AGBL4: variants seen among roughly 807,000 people sequenced by gnomAD.
AGBL4 encodes the protein cytosolic carboxypeptidase 6.
A neutral mutation model predicts 66.4 loss-of-function variants in AGBL4; 58 were observed. The ratio of observed to expected loss-of-function variants is 0.87; its 90% confidence interval spans 0.71 to 1.09. The LOEUF (loss-of-function observed/expected upper bound fraction) is 1.09. AGBL4 is among the 50% of genes least tolerant of loss of function. The probability of loss-of-function intolerance (pLI) is 0.00; values close to 1 mark genes in which losing one functional copy is unlikely to be tolerated. For synonymous variants in AGBL4, 234 were observed against 222.9 expected (o/e 1.05, Z -0.44); for missense variants, 579 against 631.0 (o/e 0.92, Z 0.88).
intron 1 of AGBL4, among the ~76,000 whole-genome samples, chr1:50,010,243 G>A (rs2148435080): frequency 6.6e-6 from 1 of 151,878 alleles, no homozygotes; most frequent in Non-Finnish European, 1.5e-5. Flanking sequence ...GGAGGCAGAG[G>A]TTGCAGTGAG....
intron 1 of AGBL4, among the ~76,000 whole-genome samples, chr1:49,948,053 T>C (rs1488997963): frequency 3.3e-4 from 2 of 6,124 alleles, no homozygotes; most frequent in South Asian, 0.033. Flanking sequence ...AATATATAAA[T>C]ATATATATGT....
chr1:49,394,533 T>G (rs967616884), intron 3 of AGBL4, among the ~76,000 whole-genome samples: 1 of 152,050 alleles, frequency 6.6e-6, no homozygotes, highest in Non-Finnish European at 1.5e-5. Flanking sequence ...AGACACATCA[T>G]GAATGGTTAA....
At chr1:49,350,627 A>C (rs148252561) in intron 3 of AGBL4, among the ~76,000 whole-genome samples, 16 of 152,304 alleles carry the variant, frequency 1.1e-4, no homozygotes, top group African/African-American at 3.6e-4. Flanking sequence ...AACTTTTATT[A>C]GTTTTGGGGG....
intron 3 of AGBL4, among the ~76,000 whole-genome samples, chr1:49,246,304 G>T (rs12124042): frequency 0.56 from 84,621 of 151,680 alleles, 24,272 homozygotes; most frequent in Middle Eastern, 0.63. Context: ...GGCTGACCTA[G>T]AATTTACATA....
chr1:48,864,349 A>G (rs1181861803), intron 6 of AGBL4, among the ~76,000 whole-genome samples: 2 of 152,210 alleles, frequency 1.3e-5, no homozygotes, highest in East Asian at 3.8e-4. Flanking sequence ...AAGAGTAAAT[A>G]TGTTCAATTA....
intron 1 of AGBL4, among the ~76,000 whole-genome samples, chr1:49,890,321 A>T (rs1217789022): frequency 6.6e-6 from 1 of 152,212 alleles, no homozygotes; most frequent in Non-Finnish European, 1.5e-5. Context: ...TTGAGTGCCA[A>T]CTGCAACTCA....
intron 5 of AGBL4, among the ~76,000 whole-genome samples, chr1:48,956,680 A>G (rs934146502): frequency 1.3e-5 from 2 of 152,178 alleles, no homozygotes; most frequent in African/African-American, 4.8e-5. Flanking sequence ...TACTTACTCA[A>G]CTAACTCTGA....
chr1:48,775,191 T>C (rs1462845704), intron 6 of AGBL4, among the ~76,000 whole-genome samples: 1 of 152,220 alleles, frequency 6.6e-6, no homozygotes, highest in Non-Finnish European at 1.5e-5. Flanking sequence ...TGGGTGGGCC[T>C]ACACTTCGGT....
At chr1:49,461,614 C>T (rs1646514217) in intron 3 of AGBL4, among the ~76,000 whole-genome samples, 1 of 146,340 alleles carries the variant, frequency 6.8e-6, no homozygotes, top group Admixed American at 6.9e-5. Flanking sequence ...GCTATCCCTC[C>T]CCCAGCCCCC....
chr1:49,694,597 C>A (rs190228174), intron 3 of AGBL4, among the ~76,000 whole-genome samples: 1 of 152,234 alleles, frequency 6.6e-6, no homozygotes, highest in Admixed American at 6.5e-5. Flanking sequence ...AAATATGCAT[C>A]CACAAAACAG....
chr1:49,245,686 G>A, intron 4 of AGBL4, 84 bp downstream of exon 4: 3 of 865,248 alleles, frequency 3.5e-6, no homozygotes, highest in Non-Finnish European at 5.3e-6. Context: ...TTTTTTTTGG[G>A]GGTCCATTAG....
chr1:48,899,392 A>G (rs1651865390), intron 5 of AGBL4, among the ~76,000 whole-genome samples: 1 of 151,360 alleles, frequency 6.6e-6, no homozygotes, highest in African/African-American at 2.4e-5. Context: ...AAAAAAGGAA[A>G]AATGAAATTC....
At chr1:48,766,183 A>C (rs1023500685) in intron 6 of AGBL4, among the ~76,000 whole-genome samples, 1 of 152,178 alleles carries the variant, frequency 6.6e-6, no homozygotes, top group African/African-American at 2.4e-5. Context: ...ATACCTCACA[A>C]CAACCTTGCA....
chr1:49,330,447 G>A (rs1205327481), intron 3 of AGBL4, among the ~76,000 whole-genome samples: 1 of 151,976 alleles, frequency 6.6e-6, no homozygotes, highest in African/African-American at 2.4e-5. Flanking sequence ...ATTCTTCTGA[G>A]AGAAAAAAAG....
intron 5 of AGBL4, among the ~76,000 whole-genome samples, chr1:49,018,652 T>C (rs1663005581): frequency 6.6e-6 from 1 of 152,166 alleles, no homozygotes; most frequent in African/African-American, 2.4e-5. Context: ...AATCCCCTTC[T>C]TTACCCCTTT....
chr1:49,580,979 TC>T (rs1644531447), intron 3 of AGBL4, among the ~76,000 whole-genome samples: 1 of 152,194 alleles, frequency 6.6e-6, no homozygotes, highest in African/African-American at 2.4e-5. Flanking sequence ...TTCTTCCCTA[TC>T]CAGAATACTA....
chr1:49,293,097 T>C (rs926327675), intron 3 of AGBL4, among the ~76,000 whole-genome samples: 1 of 152,192 alleles, frequency 6.6e-6, no homozygotes, highest in African/African-American at 2.4e-5. Flanking sequence ...TCTCCAAGCC[T>C]CCATCACATT....
intron 3 of AGBL4, among the ~76,000 whole-genome samples, chr1:49,405,435 A>G (rs1645176102): frequency 6.6e-6 from 1 of 152,116 alleles, no homozygotes; most frequent in South Asian, 2.1e-4. Flanking sequence ...CAAAATGGGG[A>G]TGATAATAAT....
At chr1:48,771,742 T>C (rs1233289694) in intron 6 of AGBL4, among the ~76,000 whole-genome samples, 1 of 152,236 alleles carries the variant, frequency 6.6e-6, no homozygotes, top group African/African-American at 2.4e-5. Context: ...GCTAACTTTG[T>C]AGAAGTTCCA....
Sources: allele counts gnomAD v4.1 joint callset (sites outside exome capture counted in the v4.1 genomes callset), GRCh38; gene constraint gnomAD v4.1.1; transcripts MANE v1.5; gene names NCBI Gene and HGNC (gene_info 2026-07-23, HGNC 2026-07-21).